The following KAT6A variants were observed in gnomAD, a reference collection of about 807,000 sequenced individuals.
The protein encoded by KAT6A is lysine acetyltransferase 6A.
Under a neutral mutation model 198.4 loss-of-function variants are expected in KAT6A, and 9 were observed. The observed-to-expected ratio is 0.05, with a 90% confidence interval of 0.03 to 0.08. The LOEUF is 0.08. Ranked by LOEUF, KAT6A falls within the 10% of genes least tolerant of loss-of-function variation. The probability of loss-of-function intolerance (pLI) is 1.00; values close to 1 mark genes in which losing one functional copy is unlikely to be tolerated. For synonymous variants in KAT6A, 890 were observed against 883.0 expected (o/e 1.01, Z -0.14); for missense variants, 2,077 against 2,509.9 (o/e 0.83, Z 3.69).
At chr8:41,973,228 ATT>A (rs781037656) in intron 8 of KAT6A, among the ~76,000 whole-genome samples, 7 of 144,884 alleles carry the variant, frequency 4.8e-5, no homozygotes, top group Admixed American at 6.9e-5. Flanking sequence ...CAGCCTTAGA[ATT>A]TTTTTTTTTT....
rs181473356 is a variant in KAT6A, at chr8:42,010,142, T to C, written c.601-22579A>G. Among the ~76,000 whole-genome samples the C allele has an allele frequency of 5.9e-5, 9 of 152,108 alleles. No individual in the cohort carries two copies. In the East Asian group the frequency reaches 1.5e-3, roughly 26 times the overall value. On this transcript the variant is annotated intron_variant, in intron 2 of 16. Coordinates refer to ENST00000265713, the MANE Select transcript of KAT6A (RefSeq NM_006766.5). ...AAACATTGTGAAACCCTGTCTCTAC[T>C]AAAAATACAAAAATTAGCTTGGTGT...
chr8:41,946,529 C>CACATACACAT (rs1554682544), intron 12 of KAT6A, 62 bp downstream of exon 12: 1 of 664,046 alleles, frequency 1.5e-6, no homozygotes, highest in African/African-American at 2.0e-5. Flanking sequence ...CACACACACA[C>CACATACACAT]ACACACACAC....
rs777437107 is a variant in KAT6A at position 41,978,682 on chromosome 8, T to C, written c.1003A>G (p.Ile335Val). ...TTTAACCTGTTTTTTGGACGTCCTA[T>C]TGGATTAGTATAGCGCCGTTTTATC... ...AQIKRRYTNP[I>V]GRPKNRLKKQ... The change falls in exon 6 of 17, where the codon ATA (isoleucine) becomes GTA (valine). Residue 335 changes from isoleucine to valine, a missense_variant. Physicochemically the swap from Ile to Val is conservative, Grantham distance 29. Around this residue, in one of 13 missense-constraint regions of KAT6A, gnomAD observed 206 missense variants for 214.9 expected, o/e 0.96. Transcript: ENST00000265713. 4.3e-6 allele frequency: 7 copies of C among 1,614,090 alleles called. No individual in the cohort carries two copies. The Admixed American group carries it at 1.2e-4, about 27-fold the overall frequency.
intron 2 of KAT6A, among the ~76,000 whole-genome samples, chr8:42,007,913 G>C (rs1825823751): frequency 7.6e-6 from 1 of 131,318 alleles, no homozygotes; most frequent in Non-Finnish European, 1.5e-5. Context: ...AGTGAGCTGA[G>C]ATCGTGCCAC....
intron 2 of KAT6A, among the ~76,000 whole-genome samples, chr8:42,020,053 C>A (rs905640048): frequency 6.6e-6 from 1 of 152,084 alleles, no homozygotes; most frequent in African/African-American, 2.4e-5. Context: ...AATGTAATTA[C>A]CTTCTTTTTT....
At chr8:42,037,327 G>C (rs535966411) in intron 2 of KAT6A, among the ~76,000 whole-genome samples, 1 of 152,244 alleles carries the variant, frequency 6.6e-6, no homozygotes, top group South Asian at 2.1e-4. Flanking sequence ...TAAATAGTAA[G>C]TTAGATATTT....
chr8:42,015,297 C>A (rs1475804822), intron 2 of KAT6A, among the ~76,000 whole-genome samples: 1 of 152,164 alleles, frequency 6.6e-6, no homozygotes, highest in Non-Finnish European at 1.5e-5. Context: ...CATGGATGAG[C>A]TGGGGGGAAA....
chr8:41,952,344 G>A (rs1234682719), intron 9 of KAT6A, among the ~76,000 whole-genome samples: 1 of 152,114 alleles, frequency 6.6e-6, no homozygotes, highest in African/African-American at 2.4e-5. Context: ...GGATCTCAAA[G>A]CTAAGCTCAA....
At chr8:41,997,665 A>C (rs1311071001) in intron 2 of KAT6A, among the ~76,000 whole-genome samples, 1 of 152,166 alleles carries the variant, frequency 6.6e-6, no homozygotes, top group African/African-American at 2.4e-5. Context: ...ATAAACCACC[A>C]TAAGCTTCTC....
chr8:42,051,119 G>C (rs566828683), intron 1 of KAT6A, among the ~76,000 whole-genome samples: 3 of 152,172 alleles, frequency 2.0e-5, no homozygotes, highest in Non-Finnish European at 4.4e-5. Flanking sequence ...ACGTGAAGGA[G>C]TTCAGAGCGG....
chr8:42,035,962 G>A (rs1370126374), intron 2 of KAT6A, among the ~76,000 whole-genome samples: 1 of 152,086 alleles, frequency 6.6e-6, no homozygotes, highest in Non-Finnish European at 1.5e-5. Context: ...CGGCCCCTGA[G>A]GTAGCAGAGA....
At chr8:41,986,759 C>T (rs1026723963) in intron 3 of KAT6A, among the ~76,000 whole-genome samples, 2 of 152,152 alleles carry the variant, frequency 1.3e-5, no homozygotes, top group African/African-American at 2.4e-5. Context: ...CACATATGGC[C>T]GGGTGTGGTG....
chr8:41,948,664 C>T (rs1487672994), intron 10 of KAT6A, among the ~76,000 whole-genome samples: 1 of 152,122 alleles, frequency 6.6e-6, no homozygotes, highest in Non-Finnish European at 1.5e-5. Context: ...CAGTATATAC[C>T]ACACCTACCC....
chr8:41,989,279 C>T (rs1220200424), intron 2 of KAT6A, among the ~76,000 whole-genome samples: 3 of 152,070 alleles, frequency 2.0e-5, no homozygotes, highest in South Asian at 2.1e-4. Flanking sequence ...GAGGCCGAGG[C>T]GGGCGGATCA....
At chr8:41,965,279 A>G (rs961009539) in intron 8 of KAT6A, among the ~76,000 whole-genome samples, 1 of 152,136 alleles carries the variant, frequency 6.6e-6, no homozygotes, top group Non-Finnish European at 1.5e-5. Context: ...TTTTCACATA[A>G]TTTTCACATG....
At chr8:42,017,498 G>A (rs958146201) in intron 2 of KAT6A, among the ~76,000 whole-genome samples, 2 of 152,116 alleles carry the variant, frequency 1.3e-5, no homozygotes, top group South Asian at 2.1e-4. Flanking sequence ...TAGTGGGTAA[G>A]TCAAAGAGGC....
intron 2 of KAT6A, 100 bp downstream of exon 2, chr8:42,048,278 G>A: frequency 9.2e-6 from 12 of 1,301,266 alleles, no homozygotes; most frequent in Non-Finnish European, 1.3e-5. Flanking sequence ...CTCCACAGAA[G>A]TCCCCAAACA....
At position 41,978,563 on chromosome 8, in the gene KAT6A, T is replaced by A; in HGVS notation, c.1043+79A>T. 11 of 1,444,948 alleles carry A rather than the reference T, an allele frequency of 7.6e-6. No homozygotes were observed. The South Asian group carries it at 1.5e-4, about 19-fold the overall frequency. 89.5% of individuals were successfully genotyped at this position (1,444,948 alleles called of 1,614,324 possible). A position where few individuals can be genotyped will look rare whatever the true frequency, so the allele number is the denominator to read the frequency against. ...AGATATGACAATGGAATTTTTTTCA[T>A]AGAGAAAACAAGTGAATCCTACACT... On this transcript the variant is annotated intron_variant, in intron 6 of 16. Coordinates refer to ENST00000265713, the MANE Select transcript of KAT6A (RefSeq NM_006766.5).
chr8:41,963,397 C>T (rs1256970139), intron 8 of KAT6A, among the ~76,000 whole-genome samples: 3 of 152,154 alleles, frequency 2.0e-5, no homozygotes, highest in Non-Finnish European at 4.4e-5. Context: ...AGCTTCTTTT[C>T]CTATATTCCT....
Sources: allele counts gnomAD v4.1 joint callset (sites outside exome capture counted in the v4.1 genomes callset), GRCh38; gene constraint gnomAD v4.1.1; regional missense constraint gnomAD v4.1.1; transcripts MANE v1.5; gene names NCBI Gene and HGNC (gene_info 2026-07-23, HGNC 2026-07-21).